Variants in SH3PXD2A observed in about 807,000 individuals in gnomAD.
The protein encoded by SH3PXD2A is SH3 and PX domain-containing protein 2A.
SH3PXD2A carries 32 observed loss-of-function variants against 115.2 expected under a neutral mutation model. The observed-to-expected ratio is 0.28, with a 90% CI of 0.21 to 0.37. The LOEUF (loss-of-function observed/expected upper bound fraction) is 0.37, where lower values mean the gene tolerates loss of function less well. Ranked by LOEUF, SH3PXD2A falls within the 10% of genes least tolerant of loss-of-function variation. The probability of loss-of-function intolerance (pLI) is 1.00; values close to 1 mark genes in which losing one functional copy is unlikely to be tolerated. For synonymous variants in SH3PXD2A, 610 were observed against 629.1 expected, an observed-to-expected ratio of 0.97 and a Z score of 0.45; for missense variants, 1,328 against 1,498.7, an observed-to-expected ratio of 0.89 and a Z score of 1.88.
At chr10:103,758,011 C>T (rs935958504) in intron 3 of SH3PXD2A, among the ~76,000 whole-genome samples, 2 of 152,202 alleles carry the variant, frequency 1.3e-5, no homozygotes, top group African/African-American at 2.4e-5. Flanking sequence ...TCTCCCGTTG[C>T]ACGCCACACA....
At chr10:103,766,441 G>C (rs1451737778) in intron 3 of SH3PXD2A, among the ~76,000 whole-genome samples, 4 of 152,174 alleles carry the variant, frequency 2.6e-5, no homozygotes, top group African/African-American at 9.7e-5. Context: ...TCTTTAACCT[G>C]TCTGAACCCC....
At chr10:103,749,985 G>A (rs1210847701) in intron 3 of SH3PXD2A, 1 of 149,154 alleles carries the variant, frequency 6.7e-6, no homozygotes, top group Non-Finnish European at 1.5e-5. Context: ...GAGAGATTCT[G>A]ACTCAGAACC....
At chr10:103,795,956 A>AAGGG (rs1564890952) in intron 2 of SH3PXD2A, among the ~76,000 whole-genome samples, 1 of 150,972 alleles carries the variant, frequency 6.6e-6, no homozygotes, top group Non-Finnish European at 1.5e-5. Flanking sequence ...GGAAGGAAGG[A>AAGGG]AACCAGAGAC....
chr10:103,650,255 T>C (rs1228008988), intron 8 of SH3PXD2A, among the ~76,000 whole-genome samples: 1 of 151,792 alleles, frequency 6.6e-6, no homozygotes, highest in Non-Finnish European at 1.5e-5. Flanking sequence ...GCCGCATCAC[T>C]CCCCAGTCCT....
chr10:103,798,223 G>A (rs141431695), intron 2 of SH3PXD2A, among the ~76,000 whole-genome samples: 1 of 152,328 alleles, frequency 6.6e-6, no homozygotes, highest in Non-Finnish European at 1.5e-5. Context: ...CAGGCCTCCT[G>A]TTGTTATCTG....
chr10:103,853,698 G>A (rs1393800361), intron 1 of SH3PXD2A, among the ~76,000 whole-genome samples: 1 of 152,208 alleles, frequency 6.6e-6, no homozygotes, highest in Non-Finnish European at 1.5e-5. Context: ...AAAATCCAGA[G>A]TTGGAAACGC....
At chr10:103,713,697 C>T (rs923912441) in intron 5 of SH3PXD2A, among the ~76,000 whole-genome samples, 1 of 152,210 alleles carries the variant, frequency 6.6e-6, no homozygotes, top group African/African-American at 2.4e-5. Flanking sequence ...CTATTACAAT[C>T]AGTTGTTCTT....
At chr10:103,790,805 G>A (rs1056761194) in intron 2 of SH3PXD2A, among the ~76,000 whole-genome samples, 5 of 152,234 alleles carry the variant, frequency 3.3e-5, no homozygotes, top group Non-Finnish European at 5.9e-5. Flanking sequence ...GATGTCTGCT[G>A]TAGGCATGAG....
chr10:103,663,283 C>T (rs1027616587), intron 7 of SH3PXD2A, among the ~76,000 whole-genome samples: 1 of 152,202 alleles, frequency 6.6e-6, no homozygotes, highest in South Asian at 2.1e-4. Context: ...GCACATTAAC[C>T]GCCCCATTTC....
chr10:103,775,070 A>G (rs973932138), intron 2 of SH3PXD2A, among the ~76,000 whole-genome samples: 7 of 152,190 alleles, frequency 4.6e-5, no homozygotes, highest in African/African-American at 1.7e-4. Flanking sequence ...GAGAGGAGAG[A>G]GAGAGGACCT....
chr10:103,842,270 T>A (rs2039608847), intron 1 of SH3PXD2A, among the ~76,000 whole-genome samples: 1 of 152,022 alleles, frequency 6.6e-6, no homozygotes, highest in African/African-American at 2.4e-5. Context: ...TTCTTATTTT[T>A]AAATGATATA....
intron 11 of SH3PXD2A, among the ~76,000 whole-genome samples, chr10:103,616,045 T>A (rs1225284214): frequency 1.2e-4 from 2 of 16,218 alleles, no homozygotes; most frequent in Admixed American, 8.3e-4. Flanking sequence ...GGGGGCGGGG[T>A]AGGGGCGGGG....
At chr10:103,836,249 T>C (rs67764572) in intron 1 of SH3PXD2A, among the ~76,000 whole-genome samples, 48,627 of 151,978 alleles carry the variant, frequency 0.32, 8,658 homozygotes, top group East Asian at 0.65. Context: ...AGCCTGATCA[T>C]AGGGGGCTCT....
chr10:103,604,005 C>T (rs1434056043), intron 14 of SH3PXD2A, among the ~76,000 whole-genome samples: 1 of 152,194 alleles, frequency 6.6e-6, no homozygotes, highest in Non-Finnish European at 1.5e-5. Context: ...GGTGGGTTCC[C>T]ACTTGCCAAG....
rs1226630614 is a variant in SH3PXD2A at position 103,595,427 on chromosome 10, C to T, written c.*6389G>A. 2.6e-5 allele frequency: 4 copies of T among 152,282 alleles called. No homozygotes were observed. Among genetic ancestry groups the T allele is most frequent in the African/African-American group, 9.6e-5 (4 of 41,464 alleles). 9.4% of individuals were successfully genotyped at this position (152,282 alleles called of 1,614,324 possible). On this transcript the variant is annotated 3_prime_UTR_variant, in exon 15 of 15. Coordinates refer to ENST00000369774, the MANE Select transcript of SH3PXD2A (RefSeq NM_001394015.1). ...TTTTCTTTCTAGAAGACATCCGCTT[C>T]TGGAAGCCTCCTTCCCTAATGAAGG...
intron 2 of SH3PXD2A, among the ~76,000 whole-genome samples, chr10:103,768,513 C>T (rs763995698): frequency 6.6e-6 from 1 of 152,172 alleles, no homozygotes; most frequent in Non-Finnish European, 1.5e-5. Flanking sequence ...CAGGATGGGC[C>T]AGAGCACAGA....
In SH3PXD2A at chr10:103,594,056, A is replaced by G. The variant is rs1487397099; in HGVS notation, c.*7760T>C. ...GTTAAAAAGGCCCAAAACTTTATTTAGTTTTCAGGGAAATATAAGATGCAT... is the reference window on the plus strand; with the variant it reads ...GTTAAAAAGGCCCAAAACTTTATTTGGTTTTCAGGGAAATATAAGATGCAT... On this transcript the variant is annotated 3_prime_UTR_variant, in exon 15 of 15. Coordinates refer to ENST00000369774, the MANE Select transcript of SH3PXD2A (RefSeq NM_001394015.1). 7 of 152,616 alleles carry G rather than the reference A, an allele frequency of 4.6e-5. No individual in the cohort carries two copies. The highest frequency in any genetic ancestry group is 3.3e-4 in the Admixed American group (5 of 15,278). The allele number at this position is 152,616 out of a possible 1,614,324, so 9.5% of individuals were successfully genotyped here.
intron 3 of SH3PXD2A, chr10:103,755,269 G>A (rs191546241): frequency 3.9e-5 from 6 of 152,284 alleles, no homozygotes; most frequent in Admixed American, 6.5e-5. Context: ...TCACAATCGT[G>A]TGCTGAGGGC....
intron 5 of SH3PXD2A, among the ~76,000 whole-genome samples, chr10:103,723,688 A>G (rs1162815926): frequency 6.6e-6 from 1 of 152,192 alleles, no homozygotes; most frequent in Admixed American, 6.5e-5. Flanking sequence ...GGGGAAAAGC[A>G]CCTGACCTCA....
Sources: gnomAD v4.1 joint callset for allele counts (sites outside exome capture counted in the v4.1 genomes callset) on GRCh38, gnomAD v4.1.1 for gene constraint, MANE v1.5 for transcripts, NCBI Gene and HGNC (gene_info 2026-07-23, HGNC 2026-07-21) for gene names.